Variants in XRCC5 observed in about 807,000 individuals in gnomAD.
XRCC5 encodes DNA repair protein Ku80.
A neutral mutation model predicts 95.7 loss-of-function variants in XRCC5; 12 were observed. The observed-to-expected ratio is 0.13, with a 90% confidence interval of 0.08 to 0.20. The LOEUF (loss-of-function observed/expected upper bound fraction) is 0.20. Among genes scored for constraint, XRCC5 ranks in the 10% least tolerant of loss-of-function variants. The pLI is 1.00. For synonymous variants in XRCC5, 281 were observed against 290.3 expected (o/e 0.97, Z 0.33); for missense variants, 595 against 873.9 (o/e 0.68, Z 4.02).
At chr2:216,182,335 T>A (rs1263034911) in intron 16 of XRCC5, among the ~76,000 whole-genome samples, 2 of 152,232 alleles carry the variant, frequency 1.3e-5, no homozygotes, top group African/African-American at 4.8e-5. Context: ...TATCTTCTAC[T>A]TACTTCCTAT....
Position 216,183,053 on chromosome 2 carries a change from C to T in XRCC5, c.1835-7172C>T, listed in dbSNP as rs575072830. 3.3e-5 allele frequency among the ~76,000 whole-genome samples: 5 copies of T among 152,268 alleles called. 1 individual carries two copies. In the South Asian group the frequency reaches 8.3e-4, roughly 25 times the overall value. ...AATGTTATATCATAATGCTCTCTTA[C>T]ATAAAATGAGCTTACAGCCAGTGGG... On this transcript the variant is annotated intron_variant, in intron 16 of 20. Coordinates refer to ENST00000392132, the MANE Select transcript of XRCC5 (RefSeq NM_021141.4).
At chr2:216,178,652 C>A (rs1195312278) in intron 16 of XRCC5, among the ~76,000 whole-genome samples, 1 of 152,158 alleles carries the variant, frequency 6.6e-6, no homozygotes, top group Non-Finnish European at 1.5e-5. Flanking sequence ...GATATCTCAT[C>A]CCTGTACATC....
chr2:216,191,281 C>T (rs1689607531), intron 17 of XRCC5, among the ~76,000 whole-genome samples: 1 of 151,946 alleles, frequency 6.6e-6, no homozygotes, highest in Non-Finnish European at 1.5e-5. Context: ...GCATGGTTGC[C>T]ACCCAGTGTC....
Position 216,116,808 on chromosome 2 carries a change from A to C in XRCC5, c.285A>C (p.Glu95Asp). Residue 95 changes from glutamate to aspartate, a missense_variant, in exon 3 of 21, where the codon GAA (glutamate) becomes GAC (aspartate). Physicochemically the swap from Glu to Asp is conservative, Grantham distance 45. Transcript: ENST00000392132. ...ATTTTGATTTGCTGGAGGACATTGA[A>C]AGCAAAATCCAACCAGGTTCTCAAC... ...LPDFDLLEDI[E>D]SKIQPGSQQA... The C allele has an allele frequency of 6.2e-7, 1 of 1,614,138 alleles. No homozygotes were observed. The highest frequency in any genetic ancestry group is 1.1e-5 in the South Asian group (1 of 91,074).
chr2:216,167,153 T>C (rs1329203862), intron 16 of XRCC5, among the ~76,000 whole-genome samples: 1 of 152,212 alleles, frequency 6.6e-6, no homozygotes, highest in Admixed American at 6.5e-5. Context: ...TTGACTCATG[T>C]ACAAGAGAGC....
intron 16 of XRCC5, among the ~76,000 whole-genome samples, chr2:216,178,335 T>C (rs1042721875): frequency 2.6e-5 from 4 of 152,246 alleles, no homozygotes; most frequent in African/African-American, 7.2e-5. Flanking sequence ...CATCTCCTTC[T>C]TTATTGTCTC....
rs139172071 is a variant in XRCC5, at chr2:216,167,674, A to T, written c.1834+5626A>T. 1.8e-3 allele frequency among the ~76,000 whole-genome samples: 268 copies of T among 151,288 alleles called. 2 individuals carry two copies. The highest frequency in any genetic ancestry group is 6.3e-3 in the African/African-American group (260 of 41,182). ...GGGTATGAATTATATAATGAATTAT[A>T]CTCTGCCCAGATAGATAAGAAGATA... On this transcript the variant is annotated intron_variant, in intron 16 of 20. Transcript: ENST00000392132.
At chr2:216,149,557 T>C (rs1430624719) in intron 14 of XRCC5, among the ~76,000 whole-genome samples, 1 of 152,184 alleles carries the variant, frequency 6.6e-6, no homozygotes, top group Non-Finnish European at 1.5e-5. Context: ...TGCAGCCTTT[T>C]CTTTCTATGA....
chr2:216,161,629 G>A (rs183804580), intron 15 of XRCC5, among the ~76,000 whole-genome samples: 5 of 152,256 alleles, frequency 3.3e-5, no homozygotes, highest in African/African-American at 7.2e-5. Context: ...CAGAATCCTC[G>A]GCTTTCTAAT....
intron 16 of XRCC5, among the ~76,000 whole-genome samples, chr2:216,168,571 G>T (rs207924): frequency 3.4e-4 from 51 of 152,082 alleles, no homozygotes; most frequent in Middle Eastern, 6.8e-3. Flanking sequence ...CTGTCAATCT[G>T]TATCAGAATA....
rs1380548296 is a variant in XRCC5 at position 216,187,852 on chromosome 2, CT to C, written c.1835-2372del. On this transcript the variant is annotated intron_variant, in intron 16 of 20. Coordinates refer to ENST00000392132, the MANE Select transcript of XRCC5 (RefSeq NM_021141.4). ...TCTCTCTCTCTCTCTCTCTCTCTCT[CT>C]CTCTCTCTCCCCGTCTCCCTGTCTC... Among the ~76,000 whole-genome samples, 14 of 138,442 alleles carry C rather than the reference CT, an allele frequency of 1.0e-4. No homozygotes were observed. In the South Asian group the frequency reaches 2.6e-3, roughly 26 times the overall value. The allele number at this position is 138,442 out of a possible 152,430, so 90.8% of individuals were successfully genotyped here. A position where few individuals can be genotyped will look rare whatever the true frequency, so the allele number is the denominator to read the frequency against.
chr2:216,192,834 G>T, intron 18 of XRCC5, 99 bp downstream of exon 18: 2 of 799,684 alleles, frequency 2.5e-6, no homozygotes, highest in Non-Finnish European at 3.6e-6. Context: ...AAACTGTATT[G>T]TATAATGAGT....
chr2:216,120,425 T>G (rs1696782967), intron 5 of XRCC5, among the ~76,000 whole-genome samples: 1 of 152,222 alleles, frequency 6.6e-6, no homozygotes, highest in African/African-American at 2.4e-5. Context: ...TTTTTCTTGG[T>G]AATATGCTTT....
intron 14 of XRCC5, among the ~76,000 whole-genome samples, chr2:216,154,129 G>A (rs1000906230): frequency 6.6e-6 from 1 of 152,194 alleles, no homozygotes; most frequent in African/African-American, 2.4e-5. Context: ...TTTTGGGGTC[G>A]AATTTGGAGC....
At position 216,130,896 on chromosome 2, in the gene XRCC5, T is replaced by C; in HGVS notation, c.959T>C (p.Ile320Thr). The change falls in exon 9 of 21, where the codon ATA becomes ACA. Residue 320 changes from isoleucine (I) to threonine (T), a missense_variant. Coordinates refer to ENST00000392132, the MANE Select transcript of XRCC5 (RefSeq NM_021141.4). ...CCAGGGTTCCGCTATGGAAGTGATA[T>C]AGTTCCTTTCTCTAAAGTGGATGAG... The part of the protein sequence containing the change: ...IIQGFRYGSD[I>T]VPFSKVDEEQ... 1.2e-6 allele frequency: 2 copies of C among 1,612,624 alleles called. No homozygotes were observed. Among genetic ancestry groups the C allele is most frequent in the Non-Finnish European group, 1.7e-6 (2 of 1,179,482 alleles).
intron 16 of XRCC5, among the ~76,000 whole-genome samples, chr2:216,183,637 C>T (rs909179727): frequency 6.6e-6 from 1 of 152,096 alleles, no homozygotes; most frequent in East Asian, 1.9e-4. Flanking sequence ...TTCTCTCTGT[C>T]GTATCTACTG....
At chr2:216,133,519 G>T (rs1016433953) in intron 10 of XRCC5, among the ~76,000 whole-genome samples, 5 of 152,180 alleles carry the variant, frequency 3.3e-5, no homozygotes, top group African/African-American at 1.2e-4. Flanking sequence ...TTTATGCAAA[G>T]AACATTCTGA....
chr2:216,202,179 A>T (rs1365453833), intron 19 of XRCC5, among the ~76,000 whole-genome samples: 2 of 152,150 alleles, frequency 1.3e-5, no homozygotes. Context: ...AGTTTTTCAG[A>T]TGTTTGGAAG....
intron 14 of XRCC5, among the ~76,000 whole-genome samples, chr2:216,158,427 A>G (rs1027584177): frequency 3.9e-5 from 6 of 152,246 alleles, no homozygotes; most frequent in African/African-American, 9.6e-5. Context: ...TTTGACTCCA[A>G]CTCTTCAGTA....
Sources: gnomAD v4.1 joint callset for allele counts (sites outside exome capture counted in the v4.1 genomes callset) on GRCh38, gnomAD v4.1.1 for gene constraint, MANE v1.5 for transcripts, NCBI Gene and HGNC (gene_info 2026-07-23, HGNC 2026-07-21) for gene names.